The following CEP112 variants were observed in gnomAD, a reference collection of about 807,000 sequenced individuals.
CEP112 encodes the protein centrosomal protein of 112 kDa.
CEP112 carries 127 observed loss-of-function variants against 153.0 expected under a neutral mutation model. The observed-to-expected ratio is 0.83, with a 90% CI of 0.72 to 0.96. The LOEUF is 0.96. CEP112 is among the 40% of genes least tolerant of loss of function. CEP112 has a pLI of 0.00. For missense variants in CEP112, 1,089 were observed against 1,101.2 expected (o/e 0.99, Z 0.16); for synonymous variants, 358 against 374.4 (o/e 0.96, Z 0.51).
intron 16 of CEP112, among the ~76,000 whole-genome samples, chr17:66,022,229 T>C (rs1429495000): frequency 1.3e-5 from 2 of 152,148 alleles, no homozygotes; most frequent in Non-Finnish European, 2.9e-5. Flanking sequence ...ACATACTTCA[T>C]AGTTATATCC....
At chr17:65,914,708 C>A (rs1476402043) in intron 19 of CEP112, among the ~76,000 whole-genome samples, 1 of 152,166 alleles carries the variant, frequency 6.6e-6, no homozygotes, top group East Asian at 1.9e-4. Context: ...TCAATATTTT[C>A]TTCTCTAGTG....
intron 17 of CEP112, among the ~76,000 whole-genome samples, chr17:65,989,234 CA>C (rs749855250): frequency 1.0e-3 from 42 of 40,790 alleles, no homozygotes; most frequent in East Asian, 5.2e-3. Context: ...GACTCCATCT[CA>C]AAAAAAAAAA....
intron 23 of CEP112, among the ~76,000 whole-genome samples, chr17:65,716,854 G>A (rs901097230): frequency 8.1e-4 from 123 of 152,116 alleles, no homozygotes; most frequent in Non-Finnish European, 2.2e-4. Flanking sequence ...AGGGACAAAG[G>A]GGTTCCAAGG....
At chr17:66,057,368 T>C (rs2066734771) in intron 11 of CEP112, among the ~76,000 whole-genome samples, 1 of 152,160 alleles carries the variant, frequency 6.6e-6, no homozygotes, top group African/African-American at 2.4e-5. Context: ...CCATAGAGAA[T>C]ACCCTACTGG....
At chr17:65,776,750 T>TG (rs2053702117) in intron 21 of CEP112, among the ~76,000 whole-genome samples, 1 of 149,056 alleles carries the variant, frequency 6.7e-6, no homozygotes, top group Non-Finnish European at 1.5e-5. Context: ...AATGACTAAG[T>TG]CAATGGATAG....
intron 21 of CEP112, among the ~76,000 whole-genome samples, chr17:65,815,290 A>C (rs191683768): frequency 6.6e-6 from 1 of 152,066 alleles, no homozygotes; most frequent in Non-Finnish European, 1.5e-5. Flanking sequence ...TCCTTCCCCC[A>C]TTCATTATCT....
chr17:66,121,842 T>C (rs1339166672), intron 6 of CEP112, among the ~76,000 whole-genome samples: 2 of 152,086 alleles, frequency 1.3e-5, no homozygotes, highest in Non-Finnish European at 2.9e-5. Flanking sequence ...TAAATCTCTT[T>C]ATGATATTCT....
intron 17 of CEP112, among the ~76,000 whole-genome samples, chr17:65,969,725 G>C (rs995573991): frequency 8.5e-5 from 13 of 152,274 alleles, no homozygotes; most frequent in African/African-American, 2.9e-4. Context: ...TCACATAAAT[G>C]TGTATTGCAT....
chr17:65,731,573 T>C (rs539327253), intron 23 of CEP112, among the ~76,000 whole-genome samples: 3 of 152,294 alleles, frequency 2.0e-5, no homozygotes, highest in East Asian at 1.9e-4. Flanking sequence ...TAAAGTTCAC[T>C]GCACCAATTG....
At chr17:65,662,250 A>G (rs142845483) in intron 24 of CEP112, among the ~76,000 whole-genome samples, 1 of 152,320 alleles carries the variant, frequency 6.6e-6, no homozygotes, top group East Asian at 1.9e-4. Context: ...TCTGTTAGAA[A>G]CACTTACATA....
At chr17:66,042,406 T>C (rs1431446658) in intron 12 of CEP112, among the ~76,000 whole-genome samples, 2 of 151,992 alleles carry the variant, frequency 1.3e-5, no homozygotes, top group East Asian at 3.8e-4. Flanking sequence ...ACGATGAGAA[T>C]AGCACTTTAA....
At position 65,984,048 on chromosome 17, in the gene CEP112, T is replaced by G. The variant is rs571915649; in HGVS notation, c.1736+21642A>C. The stretch of plus-strand genomic sequence containing the variant: ...CAGTCTAGATACCAATTTAAGATAC[T>G]CTACAACATTTGATGAGTAATGCTA... On this transcript the variant is annotated intron_variant, in intron 17 of 26. Transcript: ENST00000535342. Among the ~76,000 whole-genome samples, 53 of 152,346 alleles carry G rather than the reference T, an allele frequency of 3.5e-4. 1 individual carries two copies. The highest frequency in any genetic ancestry group is 1.5e-5 in the Non-Finnish European group (1 of 68,034).
At chr17:66,107,906 G>T (rs1315432504) in intron 6 of CEP112, among the ~76,000 whole-genome samples, 7 of 152,024 alleles carry the variant, frequency 4.6e-5, no homozygotes, top group Non-Finnish European at 1.0e-4. Context: ...ATAGTACAAA[G>T]CTACAGTAAC....
chr17:65,938,975 C>G (rs2061432068), intron 18 of CEP112, among the ~76,000 whole-genome samples: 1 of 151,994 alleles, frequency 6.6e-6, no homozygotes, highest in Non-Finnish European at 1.5e-5. Flanking sequence ...CCATGCCCAA[C>G]TAATTGTTGT....
chr17:66,036,751 A>G (rs1458668528), intron 12 of CEP112, among the ~76,000 whole-genome samples: 1 of 152,224 alleles, frequency 6.6e-6, no homozygotes, highest in Non-Finnish European at 1.5e-5. Context: ...ACTGCATTAC[A>G]TCTTCTCCAG....
rs898803547 is a variant in CEP112, at chr17:65,641,049, T to A, written c.2714A>T (p.Gln905Leu). 6.3e-7 allele frequency: 1 copy of A among 1,599,492 alleles called. No homozygotes were observed. ...ESQEQITYIRQEYETKLKGLM... is the reference protein window; with the variant it reads ...ESQEQITYIRLEYETKLKGLM... ...TCCTTTCAATTTTGTTTCATATTCTTGTCGTATGTAAGTTATCTAAATTGG... is the reference window on the plus strand; with the variant it reads ...TCCTTTCAATTTTGTTTCATATTCTAGTCGTATGTAAGTTATCTAAATTGG... The change falls in exon 25 of 27, where the codon CAA (glutamine) becomes CTA (leucine). Residue 905 changes from glutamine (Q) to leucine (L), a missense_variant. Gln to Leu is a moderately radical substitution (Grantham distance 113, BLOSUM62 -2). Transcript: ENST00000535342.
At chr17:66,120,898 T>C (rs538642152) in intron 6 of CEP112, among the ~76,000 whole-genome samples, 2 of 152,352 alleles carry the variant, frequency 1.3e-5, no homozygotes, top group Admixed American at 6.5e-5. Flanking sequence ...TTACTTTGGG[T>C]TTAACTTGTT....
intron 8 of CEP112, among the ~76,000 whole-genome samples, chr17:66,089,968 T>C (rs913246367): frequency 6.6e-6 from 1 of 152,120 alleles, no homozygotes; most frequent in Non-Finnish European, 1.5e-5. Flanking sequence ...AGACTTCCAA[T>C]AAGACTAGCA....
intron 6 of CEP112, among the ~76,000 whole-genome samples, chr17:66,099,576 A>G (rs1402398711): frequency 6.6e-6 from 1 of 152,088 alleles, no homozygotes; most frequent in Non-Finnish European, 1.5e-5. Context: ...CATTTGTTAA[A>G]GAAGTTAAAC....
Sources: allele counts gnomAD v4.1 joint callset (sites outside exome capture counted in the v4.1 genomes callset), GRCh38; gene constraint gnomAD v4.1.1; transcripts MANE v1.5; gene names NCBI Gene and HGNC (gene_info 2026-07-23, HGNC 2026-07-21).